Variants in FILIP1 observed in about 807,000 individuals in gnomAD.
The protein encoded by FILIP1 is filamin-A-interacting protein 1.
FILIP1 carries 61 observed loss-of-function variants against 102.1 expected under a neutral mutation model. That is an observed-to-expected ratio of 0.60 (90% CI 0.49 to 0.74). The LOEUF (loss-of-function observed/expected upper bound fraction) is 0.74, where lower values mean the gene tolerates loss of function less well. Ranked by LOEUF, FILIP1 falls within the 30% of genes least tolerant of loss-of-function variation. FILIP1 has a pLI of 0.00. For synonymous variants in FILIP1, 491 were observed against 526.9 expected (o/e 0.93, Z 0.93); for missense variants, 1,314 against 1,441.2 (o/e 0.91, Z 1.43).
At chr6:75,443,299 T>C (rs1778335283) in intron 1 of FILIP1, among the ~76,000 whole-genome samples, 1 of 152,208 alleles carries the variant, frequency 6.6e-6, no homozygotes, top group Non-Finnish European at 1.5e-5. Context: ...TTTTAAATGT[T>C]TATGCCAAAA....
chr6:75,298,182 G>A (rs1215498608), intron 6 of FILIP1, among the ~76,000 whole-genome samples: 1 of 152,150 alleles, frequency 6.6e-6, no homozygotes, highest in African/African-American at 2.4e-5. Flanking sequence ...AAGAAACAAT[G>A]TCTTGGTTGG....
At chr6:75,366,223 T>C (rs1775327964) in intron 2 of FILIP1, 1 of 152,200 alleles carries the variant, frequency 6.6e-6, no homozygotes, top group African/African-American at 2.4e-5. Flanking sequence ...TTTCCACAAA[T>C]GACGTTCTGA....
At chr6:75,353,484 G>A in intron 4 of FILIP1, 55 bp downstream of exon 4, 2 of 1,586,058 alleles carry the variant, frequency 1.3e-6, no homozygotes, top group East Asian at 4.5e-5. Flanking sequence ...GGGACGGGCA[G>A]ACATGAAAGG....
intron 4 of FILIP1, among the ~76,000 whole-genome samples, chr6:75,320,211 G>A (rs1015949326): frequency 6.6e-6 from 1 of 152,142 alleles, no homozygotes; most frequent in South Asian, 2.1e-4. Flanking sequence ...AAGAAATATT[G>A]ACTGAATGCA....
At chr6:75,434,220 G>A (rs886186938) in intron 1 of FILIP1, among the ~76,000 whole-genome samples, 4 of 152,112 alleles carry the variant, frequency 2.6e-5, no homozygotes, top group African/African-American at 4.8e-5. Context: ...TTCCAATTCT[G>A]TAAAGACAGT....
In FILIP1 at chr6:75,414,741, C is replaced by T; in HGVS notation, c.232G>A (p.Glu78Lys). The T allele has an allele frequency of 1.2e-6, 2 of 1,613,888 alleles. No homozygotes were observed. The highest frequency in any genetic ancestry group is 1.7e-6 in the Non-Finnish European group (2 of 1,179,814). Reference sequence around the variant, plus strand: ...ATACTGAGTAGTTGGATGAGGTCTTCTTTGGATAACTCCAGGGATTTCTTA... The same window carrying T: ...ATACTGAGTAGTTGGATGAGGTCTTTTTTGGATAACTCCAGGGATTTCTTA... ...KTKKSLELSK[E>K]DLIQLLSIME... Residue 78 changes from glutamate (E) to lysine (K), a missense_variant, in exon 2 of 6, where the codon GAA becomes AAA. By Grantham distance (56) the Glu-to-Lys change is moderately conservative. Around this residue, in one of 3 missense-constraint regions of FILIP1, gnomAD observed 494 missense variants for 511.2 expected, o/e 0.97. Transcript: ENST00000237172.
chr6:75,475,859 T>G (rs1419723929), intron 1 of FILIP1, among the ~76,000 whole-genome samples: 1 of 152,192 alleles, frequency 6.6e-6, no homozygotes, highest in Non-Finnish European at 1.5e-5. Context: ...GCACAGTTCC[T>G]AATATGGTAG....
rs913282663 is a variant in FILIP1 at position 75,445,458 on chromosome 6, C to T, written c.-6-30480G>A. On this transcript the variant is annotated intron_variant, in intron 1 of 5. Transcript: ENST00000237172. ...CCACACTATTAATCTTATTATTCCT[C>T]AAATCTCAATGCAAGCATTACTTTC... Among the ~76,000 whole-genome samples, 9 of 152,052 alleles carry T rather than the reference C, an allele frequency of 5.9e-5. 1 individual carries two copies. The highest frequency in any genetic ancestry group is 2.2e-4 in the African/African-American group (9 of 41,390).
At chr6:75,406,248 G>A (rs891964458) in intron 2 of FILIP1, among the ~76,000 whole-genome samples, 3 of 152,048 alleles carry the variant, frequency 2.0e-5, no homozygotes, top group Non-Finnish European at 4.4e-5. Context: ...TGTAAATGGA[G>A]GTGTCGTTTT....
chr6:75,349,788 C>G (rs1013786209), intron 4 of FILIP1, among the ~76,000 whole-genome samples: 1 of 152,168 alleles, frequency 6.6e-6, no homozygotes, highest in Non-Finnish European at 1.5e-5. Flanking sequence ...AGCGACCCAG[C>G]CAAGGTCCGT....
chr6:75,346,446 C>A (rs1774588135), intron 4 of FILIP1, among the ~76,000 whole-genome samples: 1 of 152,142 alleles, frequency 6.6e-6, no homozygotes, highest in Non-Finnish European at 1.5e-5. Context: ...CAAGACCCAG[C>A]ATTTTTGTAT....
chr6:75,363,866 G>T (rs951961041), intron 2 of FILIP1, among the ~76,000 whole-genome samples: 1 of 152,154 alleles, frequency 6.6e-6, no homozygotes, highest in Non-Finnish European at 1.5e-5. Flanking sequence ...TGGGAACAAA[G>T]TTTCAGCCTA....
In FILIP1 at chr6:75,314,646, C is replaced by A. The variant is rs765638620; in HGVS notation, c.1186G>T (p.Glu396Ter). ...CACTGGGATTCAGTTTTAGTGATCT[C>A]CTCATCTTTACCTTCCATTTCAAGC... is the stretch of plus-strand genomic sequence containing the variant. ...RVLEMEGKDE[E>*]ITKTESQCRE... The change falls in exon 5 of 6, where the codon GAG becomes TAG. Residue 396 changes from glutamate to a stop codon, truncating the protein, a stop_gained. Coordinates refer to ENST00000237172, the MANE Select transcript of FILIP1 (RefSeq NM_015687.5). LOFTEE classifies it high-confidence loss of function. The A allele has an allele frequency of 6.2e-7, 1 of 1,613,564 alleles. No homozygotes were observed. The highest frequency in any genetic ancestry group is 1.3e-5 in the African/African-American group (1 of 74,876).
chr6:75,295,658 G>A, exon 7 of FILIP1: 1 of 328,722 alleles, frequency 3.0e-6, no homozygotes, highest in African/African-American at 2.1e-5. Flanking sequence ...TGTGCCCATA[G>A]ACCTGAAAGC....
downstream of FILIP1, among the ~76,000 whole-genome samples, chr6:75,303,416 G>A (rs1047604171): frequency 1.3e-5 from 2 of 152,146 alleles, no homozygotes; most frequent in Non-Finnish European, 2.9e-5. Flanking sequence ...ATAAAATAAG[G>A]AGCCAACAAG....
At chr6:75,369,933 G>C (rs187977249) in intron 2 of FILIP1, among the ~76,000 whole-genome samples, 54 of 152,330 alleles carry the variant, frequency 3.5e-4, no homozygotes, top group African/African-American at 1.3e-3. Flanking sequence ...AGGAAGCATA[G>C]CCAGTGGGAA....
At chr6:75,446,602 A>G (rs1162807546) in intron 1 of FILIP1, among the ~76,000 whole-genome samples, 4 of 152,080 alleles carry the variant, frequency 2.6e-5, no homozygotes, top group Non-Finnish European at 2.9e-5. Context: ...ACACTCCTTG[A>G]CTTTCACTTG....
At position 75,315,094 on chromosome 6, in the gene FILIP1, A is replaced by G. The variant is rs1191025938; in HGVS notation, c.738T>C (p.Phe246=). 1.9e-6 allele frequency: 3 copies of G among 1,613,712 alleles called. No individual in the cohort carries two copies. Among genetic ancestry groups the G allele is most frequent in the East Asian group, 4.5e-5 (2 of 44,892 alleles). The part of the protein sequence containing the change: ...LRDELVKLKS[F]ALMLVDERQM... ...GTCTTTCATCCACCAGCATGAGTGC[A>G]AAGGATTTGAGTTTAACAAGCTCAT... The change falls in exon 5 of 6, where the codon TTT becomes TTC. Residue 246 remains phenylalanine, a synonymous_variant. Transcript: ENST00000237172.
intron 4 of FILIP1, among the ~76,000 whole-genome samples, chr6:75,351,282 C>T (rs778778872): frequency 2.0e-5 from 3 of 152,130 alleles, no homozygotes; most frequent in Non-Finnish European, 2.9e-5. Flanking sequence ...AGGCTGCTCT[C>T]GAACTCCTGA....
Sources: allele counts gnomAD v4.1 joint callset (sites outside exome capture counted in the v4.1 genomes callset), GRCh38; gene constraint gnomAD v4.1.1; regional missense constraint gnomAD v4.1.1; transcripts MANE v1.5; gene names NCBI Gene and HGNC (gene_info 2026-07-23, HGNC 2026-07-21).